The following MRPL14 variants were observed in gnomAD, a reference collection of about 807,000 sequenced individuals.
MRPL14 encodes the protein large ribosomal subunit protein uL14m.
Under a neutral mutation model 10.9 loss-of-function variants are expected in MRPL14, and 8 were observed. The observed-to-expected ratio is 0.74, with a 90% CI of 0.43 to 1.33. The LOEUF (loss-of-function observed/expected upper bound fraction) is 1.33. Among genes scored for constraint, MRPL14 ranks in the 40% most tolerant of loss-of-function variants. MRPL14 has a pLI of 0.01. For missense variants in MRPL14, 179 were observed against 194.5 expected, an observed-to-expected ratio of 0.92 and a Z score of 0.47; for synonymous variants, 82 against 74.1, an observed-to-expected ratio of 1.11 and a Z score of -0.54.
chr6:44,119,700 A>G (rs1776219645), intron 1 of MRPL14, among the ~76,000 whole-genome samples: 1 of 152,188 alleles, frequency 6.6e-6, no homozygotes, highest in Admixed American at 6.5e-5. Flanking sequence ...AGCAATAACT[A>G]AAAACTAGCA....
At chr6:44,116,692 C>G in intron 1 of MRPL14, 63 bp from the exon 2 acceptor site, 1 of 1,116,382 alleles carries the variant, frequency 9.0e-7, no homozygotes, top group Non-Finnish European at 1.4e-6. Flanking sequence ...AGCCAGTTTT[C>G]TTTGGGGACT....
intron 2 of MRPL14, among the ~76,000 whole-genome samples, chr6:44,114,846 T>C (rs1775688812): frequency 6.6e-6 from 1 of 152,156 alleles, no homozygotes; most frequent in South Asian, 2.1e-4. Context: ...CCTGACCTCA[T>C]GATCCGCCCG....
Position 44,113,755 on chromosome 6 carries a change from C to T in MRPL14, c.*88G>A. ...CTGTTACCCAGTGTGAAGGGAGCAG[C>T]CATGTGGCTCCCAAGCTCCCTTAGC... On this transcript the variant is annotated 3_prime_UTR_variant, in exon 3 of 3. Coordinates refer to ENST00000372014, the MANE Select transcript of MRPL14 (RefSeq NM_032111.4). 1.4e-6 allele frequency: 2 copies of T among 1,397,068 alleles called. No homozygotes were observed. Among genetic ancestry groups the T allele is most frequent in the Non-Finnish European group, 9.7e-7 (1 of 1,030,460 alleles). 86.5% of individuals were successfully genotyped at this position (1,397,068 alleles called of 1,614,324 possible). A position where few individuals can be genotyped will look rare whatever the true frequency, so the allele number is the denominator to read the frequency against.
Position 44,114,189 on chromosome 6 carries a change from G to C in MRPL14, c.92C>G (p.Ala31Gly). The C allele has an allele frequency of 1.9e-6, 3 of 1,609,660 alleles. No individual in the cohort carries two copies. The highest frequency in any genetic ancestry group is 1.1e-5 in the South Asian group (1 of 90,936). The change falls in exon 3 of 3, where the codon GCG becomes GGG. Residue 31 changes from alanine to glycine, a missense_variant. Coordinates refer to ENST00000372014, the MANE Select transcript of MRPL14 (RefSeq NM_032111.4). ...TCGTACCCGCGTCATCTTCTGAATC[G>C]CACTCAGACTCCCAGTGGTGCTGGT... is the stretch of plus-strand genomic sequence containing the variant. ...HCFSTTGSLS[A>G]IQKMTRVRVV...
intron 2 of MRPL14, among the ~76,000 whole-genome samples, chr6:44,115,528 C>T (rs374438485): frequency 6.6e-6 from 1 of 152,106 alleles, no homozygotes; most frequent in Non-Finnish European, 1.5e-5. Context: ...TCTCCAATCC[C>T]GCCAACAACT....
chr6:44,121,546 A>T (rs1355209219), intron 1 of MRPL14, among the ~76,000 whole-genome samples: 1 of 152,242 alleles, frequency 6.6e-6, no homozygotes, highest in African/African-American at 2.4e-5. Context: ...ATGCTCTGTG[A>T]GAGCAGGGAC....
intron 1 of MRPL14, among the ~76,000 whole-genome samples, chr6:44,119,103 A>G (rs1278004335): frequency 6.6e-6 from 1 of 152,272 alleles, no homozygotes; most frequent in African/African-American, 2.4e-5. Flanking sequence ...AGGAATGACT[A>G]GGCTGAAATA....
At chr6:44,121,005 T>C (rs569338829) in intron 1 of MRPL14, among the ~76,000 whole-genome samples, 47 of 152,254 alleles carry the variant, frequency 3.1e-4, no homozygotes, top group African/African-American at 1.1e-3. Context: ...AAAATAACTG[T>C]TTCAGATCAG....
chr6:44,126,590 C>A (rs1478120283), intron 1 of MRPL14, among the ~76,000 whole-genome samples: 1 of 152,196 alleles, frequency 6.6e-6, no homozygotes, highest in Non-Finnish European at 1.5e-5. Context: ...CTGTCATATG[C>A]CCTTTTAACC....
At chr6:44,114,669 C>T (rs559009832) in intron 2 of MRPL14, among the ~76,000 whole-genome samples, 11 of 152,208 alleles carry the variant, frequency 7.2e-5, no homozygotes, top group East Asian at 1.9e-4. Context: ...AGTGCGGTGG[C>T]GCCATCTCAG....
chr6:44,113,949 T>C lies in MRPL14; in HGVS notation c.332A>G (p.Asn111Ser), dbSNP rs940325622. 1.2e-6 allele frequency: 2 copies of C among 1,613,934 alleles called. No homozygotes were observed. The highest frequency in any genetic ancestry group is 2.2e-5 in the South Asian group (2 of 91,082). The change falls in exon 3 of 3, where the codon AAC (asparagine) becomes AGC (serine). Residue 111 changes from asparagine to serine, a missense_variant. Transcript: ENST00000372014. ...AATTCGTGTCCCCACAGGGTTCCCG[T>C]TGTCCTCAATGAGGACCACGTTGTT... ...DSNNVVLIEDNGNPVGTRIKT... is the reference protein window; with the variant it reads ...DSNNVVLIEDSGNPVGTRIKT...
intron 1 of MRPL14, among the ~76,000 whole-genome samples, chr6:44,125,162 C>G (rs1279974566): frequency 1.3e-5 from 2 of 152,174 alleles, no homozygotes; most frequent in African/African-American, 4.8e-5. Flanking sequence ...ATTTTGGCCA[C>G]TGTTCTTCAA....
chr6:44,122,925 G>A (rs1351817859), intron 1 of MRPL14, among the ~76,000 whole-genome samples: 1 of 152,168 alleles, frequency 6.6e-6, no homozygotes, highest in Non-Finnish European at 1.5e-5. Flanking sequence ...AATCATTCTG[G>A]ACCAATAAGT....
At chr6:44,127,266 G>T (rs1036645024) in intron 1 of MRPL14, 78 bp downstream of exon 1, 12 of 140,024 alleles carry the variant, frequency 8.6e-5, no homozygotes, top group African/African-American at 2.8e-4. Context: ...CCGGGGAGTG[G>T]GCCTCCCCTA....
At chr6:44,115,982 C>T (rs1014297525) in intron 2 of MRPL14, among the ~76,000 whole-genome samples, 1 of 152,230 alleles carries the variant, frequency 6.6e-6, no homozygotes, top group Admixed American at 6.5e-5. Flanking sequence ...AGTGAGAATT[C>T]TTTCAGGACA....
chr6:44,119,676 A>T (rs868235750), intron 1 of MRPL14, among the ~76,000 whole-genome samples: 2 of 152,236 alleles, frequency 1.3e-5, no homozygotes, highest in Admixed American at 6.5e-5. Flanking sequence ...AGGCAAGAAG[A>T]GATCAATACT....
chr6:44,124,372 A>G (rs2128202583), intron 1 of MRPL14, among the ~76,000 whole-genome samples: 1 of 152,318 alleles, frequency 6.6e-6, no homozygotes, highest in South Asian at 2.1e-4. Context: ...CTGGAAATGG[A>G]AGTGCTTTAG....
chr6:44,117,329 C>T (rs1164688425), intron 1 of MRPL14, among the ~76,000 whole-genome samples: 1 of 152,208 alleles, frequency 6.6e-6, no homozygotes, highest in African/African-American at 2.4e-5. Context: ...CAACCCAAGA[C>T]TTGTGACTCC....
Position 44,113,836 on chromosome 6 carries a change from G to C in MRPL14, c.*7C>G. 1 of 1,544,780 alleles carries C rather than the reference G, an allele frequency of 6.5e-7. No homozygotes were observed. The highest frequency in any genetic ancestry group is 2.3e-5 in the East Asian group (1 of 44,046). ...ACGAGTCCTGCAACCAGAGGCCTGG[G>C]CTCAACTCACACAAAGTTCTGAGCA... On this transcript the variant is annotated 3_prime_UTR_variant, in exon 3 of 3. Transcript: ENST00000372014.
Sources: allele counts gnomAD v4.1 joint callset (sites outside exome capture counted in the v4.1 genomes callset), GRCh38; gene constraint gnomAD v4.1.1; transcripts MANE v1.5; gene names NCBI Gene and HGNC (gene_info 2026-07-23, HGNC 2026-07-21).